Variants in KATNIP observed in about 807,000 individuals in gnomAD.
KATNIP encodes the protein katanin interacting protein.
KATNIP carries 126 observed loss-of-function variants against 174.0 expected under a neutral mutation model. The observed-to-expected ratio is 0.72, with a 90% CI of 0.63 to 0.84. KATNIP has a LOEUF of 0.84. Ranked by LOEUF, KATNIP falls within the 40% of genes least tolerant of loss-of-function variation. The pLI is 0.00. For missense variants in KATNIP, 1,958 were observed against 2,109.7 expected, an observed-to-expected ratio of 0.93 and a Z score of 1.41; for synonymous variants, 810 against 835.7, an observed-to-expected ratio of 0.97 and a Z score of 0.53.
chr16:27,580,104 G>A (rs1429707559), intron 2 of KATNIP, among the ~76,000 whole-genome samples: 1 of 151,998 alleles, frequency 6.6e-6, no homozygotes, highest in South Asian at 2.1e-4. Flanking sequence ...TCTTTATCTT[G>A]TTGCTATCTT....
intron 5 of KATNIP, among the ~76,000 whole-genome samples, chr16:27,647,003 A>ATCCC (rs2076976830): frequency 1.3e-5 from 2 of 151,972 alleles, no homozygotes; most frequent in African/African-American, 2.4e-5. Flanking sequence ...TGCAATGCAC[A>ATCCC]TCCCTCCCTC....
chr16:27,648,931 G>A (rs77289713), intron 6 of KATNIP, among the ~76,000 whole-genome samples, 196 bp downstream of exon 6: 3,336 of 152,306 alleles, frequency 0.022, 139 homozygotes, highest in African/African-American at 0.076. Context: ...AGAGGCACCC[G>A]GTGACCAGGG....
At chr16:27,686,981 G>T (rs77175718) in intron 8 of KATNIP, among the ~76,000 whole-genome samples, 3,436 of 152,158 alleles carry the variant, frequency 0.023, 149 homozygotes, top group African/African-American at 0.079. Flanking sequence ...ATTATTATTA[G>T]TAGTAGACAT....
At chr16:27,622,081 G>A (rs1025523788) in intron 3 of KATNIP, among the ~76,000 whole-genome samples, 11 of 152,034 alleles carry the variant, frequency 7.2e-5, no homozygotes, top group African/African-American at 1.7e-4. Flanking sequence ...AGTTTCACCC[G>A]GTGGAGTCAG....
At chr16:27,753,843 T>C (rs913445102) in intron 17 of KATNIP, among the ~76,000 whole-genome samples, 2 of 150,318 alleles carry the variant, frequency 1.3e-5, no homozygotes, top group African/African-American at 4.9e-5. Flanking sequence ...CCTCCTTTCC[T>C]TCCTTCCTTT....
At position 27,611,695 on chromosome 16, in the gene KATNIP, T is replaced by A. The variant is rs529729647; in HGVS notation, c.64-6730T>A. Among the ~76,000 whole-genome samples, 251 of 152,264 alleles carry A rather than the reference T, an allele frequency of 1.6e-3. 1 individual carries two copies. The highest frequency in any genetic ancestry group is 0.015 in the South Asian group (70 of 4,826). On this transcript the variant is annotated intron_variant, in intron 2 of 27. Coordinates refer to ENST00000261588, the MANE Select transcript of KATNIP (RefSeq NM_015202.5). ...TTATCCATATAGCAGCCCTGTGAGG[T>A]AGACCTTATTGGTATCCCCTTTTCG... is the stretch of plus-strand genomic sequence containing the variant.
At chr16:27,751,288 T>G (rs971858485) in intron 16 of KATNIP, among the ~76,000 whole-genome samples, 3 of 152,158 alleles carry the variant, frequency 2.0e-5, no homozygotes, top group African/African-American at 7.2e-5. Context: ...CTTTCCTGCC[T>G]GAAGGTGAAG....
chr16:27,681,336 CT>C, intron 7 of KATNIP, 62 bp from the exon 8 acceptor site: 1 of 1,596,068 alleles, frequency 6.3e-7, no homozygotes, highest in South Asian at 1.1e-5. Flanking sequence ...GAACAAATGC[CT>C]GAACAGAATG....
chr16:27,590,957 T>A (rs1006592610), intron 2 of KATNIP, among the ~76,000 whole-genome samples: 7 of 152,224 alleles, frequency 4.6e-5, no homozygotes, highest in African/African-American at 1.7e-4. Context: ...CCATAGACTT[T>A]AAATGGTGTC....
intron 8 of KATNIP, chr16:27,687,513 G>A (rs970530875): frequency 6.6e-6 from 1 of 152,092 alleles, no homozygotes; most frequent in Non-Finnish European, 1.5e-5. Context: ...TGTGTGTGAT[G>A]CAACTCCAAG....
chr16:27,761,128 A>G (rs577280897), intron 18 of KATNIP, among the ~76,000 whole-genome samples: 45 of 152,324 alleles, frequency 3.0e-4, no homozygotes, highest in African/African-American at 9.4e-4. Flanking sequence ...AAGGATGTTC[A>G]GTGTCGGGTG....
rs1424926737 is a variant in KATNIP at position 27,573,930 on chromosome 16, T to C, written c.37T>C (p.Trp13Arg). Residue 13 changes from tryptophan to arginine, a missense_variant, in exon 2 of 28, where the codon TGG becomes CGG. By Grantham distance (101) the Trp-to-Arg change is moderately radical. Coordinates refer to ENST00000261588, the MANE Select transcript of KATNIP (RefSeq NM_015202.5). The part of the protein sequence containing the change: ...GQTLRKAERS[W>R]SCSREKKEGY... ...GACTCTGCGAAAGGCCGAGAGAAGC[T>C]GGTCCTGCTCACGAGAGAAAAAGGA... 2 of 1,614,190 alleles carry C rather than the reference T, an allele frequency of 1.2e-6. No homozygotes were observed. Among genetic ancestry groups the C allele is most frequent in the East Asian group, 2.2e-5 (1 of 44,878 alleles).
chr16:27,680,178 A>G lies in KATNIP; in HGVS notation c.809-1221A>G, dbSNP rs1438962875. Among the ~76,000 whole-genome samples the G allele has an allele frequency of 2.6e-5, 4 of 152,166 alleles. No homozygotes were observed. In the East Asian group the frequency reaches 7.8e-4, roughly 30 times the overall value. The stretch of plus-strand genomic sequence containing the variant: ...GGCTCTTACCCTCCACTTCTCCAGC[A>G]TGCAGCACACGCCCAGCACATTGCA... On this transcript the variant is annotated intron_variant, in intron 7 of 27. Transcript: ENST00000261588.
At chr16:27,761,624 C>A in intron 19 of KATNIP, 34 bp downstream of exon 19, 1 of 1,575,330 alleles carries the variant, frequency 6.3e-7, no homozygotes, top group Non-Finnish European at 8.7e-7. Context: ...CTTTCATGCC[C>A]ACTGGGTTTT....
At chr16:27,649,334 G>A (rs1243328352) in intron 6 of KATNIP, among the ~76,000 whole-genome samples, 1 of 152,184 alleles carries the variant, frequency 6.6e-6, no homozygotes, top group Non-Finnish European at 1.5e-5. Context: ...TCCTCAGATT[G>A]CCATTTCATT....
intron 2 of KATNIP, among the ~76,000 whole-genome samples, chr16:27,613,116 AAAG>A: frequency 6.6e-6 from 1 of 151,778 alleles, no homozygotes; most frequent in East Asian, 1.9e-4. Flanking sequence ...AAAAAAGAAA[AAAG>A]AAAAAAATTA....
intron 1 of KATNIP, among the ~76,000 whole-genome samples, chr16:27,572,095 C>T (rs1318646651): frequency 1.3e-5 from 2 of 151,844 alleles, no homozygotes; most frequent in Non-Finnish European, 2.9e-5. Context: ...ATACCCCTGT[C>T]CCCACATACA....
intron 2 of KATNIP, among the ~76,000 whole-genome samples, chr16:27,592,574 C>T (rs934402191): frequency 5.3e-5 from 8 of 151,992 alleles, no homozygotes; most frequent in Non-Finnish European, 7.4e-5. Flanking sequence ...GCTGAGATCA[C>T]GCCACTGCAC....
At chr16:27,643,518 G>A (rs574025388) in intron 5 of KATNIP, among the ~76,000 whole-genome samples, 3 of 148,712 alleles carry the variant, frequency 2.0e-5, no homozygotes, top group African/African-American at 7.4e-5. Context: ...TTGAACCCAG[G>A]AGGCAGAGGT....
Sources: allele counts gnomAD v4.1 joint callset (sites outside exome capture counted in the v4.1 genomes callset), GRCh38; gene constraint gnomAD v4.1.1; transcripts MANE v1.5; gene names NCBI Gene and HGNC (gene_info 2026-07-23, HGNC 2026-07-21).